KAZN: variants seen among roughly 807,000 people sequenced by gnomAD.
KAZN encodes the protein kazrin, periplakin interacting protein, also known as kazrin.
KAZN carries 40 observed loss-of-function variants against 87.4 expected under a neutral mutation model. That is an observed-to-expected ratio of 0.46 (90% CI 0.36 to 0.60). KAZN has a LOEUF of 0.60. Ranked by LOEUF, KAZN falls within the 20% of genes least tolerant of loss-of-function variation. The pLI, the probability that KAZN is intolerant of heterozygous loss-of-function variation, is 0.00. For missense variants in KAZN, 898 were observed against 1,073.9 expected (o/e 0.84, Z 2.29); for synonymous variants, 466 against 458.3 (o/e 1.02, Z -0.22).
At chr1:13,942,830 GA>G (rs1297731446) in intron 1 of KAZN, among the ~76,000 whole-genome samples, 1 of 152,132 alleles carries the variant, frequency 6.6e-6, no homozygotes, top group Non-Finnish European at 1.5e-5. Flanking sequence ...CTCTAGAACT[GA>G]GAAGTACTTT....
In KAZN at chr1:13,899,033, G is replaced by A. The variant is rs368338196; in HGVS notation, c.91+5277G>A. ...GCAAGCACACACTTCCTGTCATTCC[G>A]TCCATGGGAATGGGAGCACAGCTTT... On this transcript the variant is annotated intron_variant, in intron 1 of 16. Coordinates refer to the KAZN transcript ENST00000636203. Among the ~76,000 whole-genome samples the A allele has an allele frequency of 2.1e-4, 32 of 152,334 alleles. 3 individuals are homozygous for A. Among genetic ancestry groups the A allele is most frequent in the Admixed American group, 1.2e-3 (18 of 15,302 alleles).
intron 8 of KAZN, chr1:15,065,995 T>C (rs1639198441): frequency 7.5e-7 from 1 of 1,336,866 alleles, no homozygotes; most frequent in Non-Finnish European, 9.5e-7. Flanking sequence ...CGTCGCCACC[T>C]CTGTAATTGA....
At chr1:14,524,011 T>TTTTGTTTA (rs1557776089) in intron 2 of KAZN, among the ~76,000 whole-genome samples, 1 of 149,560 alleles carries the variant, frequency 6.7e-6, no homozygotes, top group African/African-American at 2.4e-5. Context: ...TGTTTTGTTT[T>TTTTGTTTA]GTTTTGTTTT....
intron 2 of KAZN, among the ~76,000 whole-genome samples, chr1:14,180,864 A>G (rs978302317): frequency 6.6e-6 from 1 of 152,210 alleles, no homozygotes; most frequent in Admixed American, 6.5e-5. Context: ...GCCTTGGAAA[A>G]GTGAAAATCC....
chr1:14,588,908 C>T lies in KAZN; in HGVS notation c.250-10075C>T, dbSNP rs190560792. On this transcript the variant is annotated intron_variant, in intron 2 of 16. Coordinates refer to the KAZN transcript ENST00000636203. The stretch of plus-strand genomic sequence containing the variant: ...AATTGTTTCAGAGCCTGGACAGGTA[C>T]GTTCTTGCACTTGCGGTCCCAGTGT... Among the ~76,000 whole-genome samples the T allele has an allele frequency of 5.3e-5, 8 of 152,262 alleles. No individual in the cohort carries two copies. In the East Asian group the frequency reaches 1.5e-3, roughly 29 times the overall value.
At chr1:14,325,546 A>AG (rs1287560558) in intron 2 of KAZN, among the ~76,000 whole-genome samples, 1 of 152,206 alleles carries the variant, frequency 6.6e-6, no homozygotes, top group African/African-American at 2.4e-5. Context: ...TAGGAGAGAG[A>AG]GAAAAAACAG....
At chr1:14,562,066 AG>A (rs1674290096) in intron 2 of KAZN, among the ~76,000 whole-genome samples, 1 of 152,186 alleles carries the variant, frequency 6.6e-6, no homozygotes, top group African/African-American at 2.4e-5. Context: ...ATTACTTACC[AG>A]GCAAGTGGAA....
At chr1:14,180,005 A>G (rs1188031132) in intron 1 of KAZN, among the ~76,000 whole-genome samples, 1 of 152,212 alleles carries the variant, frequency 6.6e-6, no homozygotes, top group Admixed American at 6.5e-5. Flanking sequence ...TTAGAGGTAC[A>G]ATAGCCAACT....
At chr1:14,779,184 C>T (rs373864949) in intron 1 of KAZN, among the ~76,000 whole-genome samples, 9 of 152,310 alleles carry the variant, frequency 5.9e-5, no homozygotes, top group South Asian at 2.1e-4. Flanking sequence ...GGCCACATGG[C>T]GAAAGACCAT....
chr1:14,556,162 G>C (rs968590470), intron 2 of KAZN, among the ~76,000 whole-genome samples: 7 of 151,264 alleles, frequency 4.6e-5, no homozygotes, highest in Non-Finnish European at 1.0e-4. Context: ...CAGGCTGGAG[G>C]GCAGCGGTGT....
intron 2 of KAZN, among the ~76,000 whole-genome samples, chr1:14,987,072 T>C (rs944084264): frequency 6.6e-6 from 1 of 152,032 alleles, no homozygotes; most frequent in African/African-American, 2.4e-5. Context: ...CCAGGCAGCG[T>C]AGAGGAGAAG....
At chr1:14,696,444 G>A (rs534682672) in intron 1 of KAZN, among the ~76,000 whole-genome samples, 1 of 152,310 alleles carries the variant, frequency 6.6e-6, no homozygotes, top group Admixed American at 6.5e-5. Context: ...GAGTGTAAAG[G>A]GTTAAACAGG....
intron 2 of KAZN, among the ~76,000 whole-genome samples, chr1:14,548,261 C>T (rs549390203): frequency 1.4e-5 from 2 of 147,400 alleles, no homozygotes; most frequent in Admixed American, 6.9e-5. Flanking sequence ...TGCAGTGGTG[C>T]GATCTCGGCT....
chr1:14,859,504 C>T (rs1650585820), intron 1 of KAZN, among the ~76,000 whole-genome samples: 1 of 152,120 alleles, frequency 6.6e-6, no homozygotes, highest in Admixed American at 6.6e-5. Flanking sequence ...TCAAATCTTT[C>T]CTGAGAAGTG....
chr1:14,893,942 G>A (rs779068012), intron 1 of KAZN, among the ~76,000 whole-genome samples: 1 of 152,058 alleles, frequency 6.6e-6, no homozygotes, highest in African/African-American at 2.4e-5. Flanking sequence ...TGTGGCAGCC[G>A]GAGCCCGGCT....
At chr1:14,757,480 AC>A (rs1644602392) in intron 1 of KAZN, among the ~76,000 whole-genome samples, 1 of 152,182 alleles carries the variant, frequency 6.6e-6, no homozygotes, top group Non-Finnish European at 1.5e-5. Flanking sequence ...GATTTAGTCA[AC>A]CCTTCTGAGC....
chr1:14,838,919 G>T (rs1647609432), intron 1 of KAZN, among the ~76,000 whole-genome samples: 1 of 152,088 alleles, frequency 6.6e-6, no homozygotes, highest in African/African-American at 2.4e-5. Flanking sequence ...ACCGCACCTG[G>T]CCCTGATTCT....
chr1:13,916,861 A>G (rs1038576624), intron 1 of KAZN, among the ~76,000 whole-genome samples: 2 of 151,916 alleles, frequency 1.3e-5, no homozygotes, highest in Non-Finnish European at 2.9e-5. Context: ...GGTTGAGGTG[A>G]GTGGGCTCGG....
At chr1:14,219,184 A>C (rs967774417) in intron 2 of KAZN, among the ~76,000 whole-genome samples, 4 of 152,158 alleles carry the variant, frequency 2.6e-5, no homozygotes, top group African/African-American at 9.6e-5. Context: ...GGGGAAATGA[A>C]ATATAGGGAT....
Sources: allele counts gnomAD v4.1 joint callset (sites outside exome capture counted in the v4.1 genomes callset), GRCh38; gene constraint gnomAD v4.1.1; transcripts MANE v1.5; gene names NCBI Gene and HGNC (gene_info 2026-07-23, HGNC 2026-07-21).